The following CTIF variants were observed in gnomAD, a reference collection of about 807,000 sequenced individuals.
The protein encoded by CTIF is CBP80/20-dependent translation initiation factor.
Under a neutral mutation model 66.0 loss-of-function variants are expected in CTIF, and 21 were observed. That is an observed-to-expected ratio of 0.32 (90% CI 0.23 to 0.46). The LOEUF (loss-of-function observed/expected upper bound fraction) is 0.46. Ranked by LOEUF, CTIF falls within the 20% of genes least tolerant of loss-of-function variation. CTIF has a pLI of 1.00. For missense variants in CTIF, 739 were observed against 812.7 expected, an observed-to-expected ratio of 0.91 and a Z score of 1.10; for synonymous variants, 345 against 326.4, an observed-to-expected ratio of 1.06 and a Z score of -0.62.
intron 9 of CTIF, among the ~76,000 whole-genome samples, chr18:48,805,842 C>G (rs1297574591): frequency 6.6e-6 from 1 of 152,218 alleles, no homozygotes; most frequent in Non-Finnish European, 1.5e-5. Context: ...ACAGGTTGTC[C>G]TCTTAGAGAA....
chr18:48,801,065 G>A (rs780494688), intron 9 of CTIF, among the ~76,000 whole-genome samples: 1 of 152,174 alleles, frequency 6.6e-6, no homozygotes, highest in Non-Finnish European at 1.5e-5. Context: ...CCGGATCTCA[G>A]AACGAATGGA....
chr18:48,578,516 C>G (rs914686902), intron 1 of CTIF, among the ~76,000 whole-genome samples: 3 of 152,120 alleles, frequency 2.0e-5, no homozygotes, highest in Non-Finnish European at 4.4e-5. Flanking sequence ...TATAGTCATC[C>G]TAGTGGGTGT....
chr18:48,819,909 A>C (rs891829780), intron 10 of CTIF, among the ~76,000 whole-genome samples: 1 of 152,184 alleles, frequency 6.6e-6, no homozygotes, highest in African/African-American at 2.4e-5. Context: ...TTTCTCTGCA[A>C]GGTGCAGGGA....
Position 48,860,291 on chromosome 18 carries a change from T to C in CTIF, c.*732T>C. ...TTCAAAAGTCGGTTGCTTTGAAGTC[T>C]CTTTGGCCAATGAAAATGCCCGTGA... On this transcript the variant is annotated 3_prime_UTR_variant, in exon 12 of 12. Transcript: ENST00000256413. 3.4e-6 allele frequency: 1 copy of C among 295,856 alleles called. No homozygotes were observed. Among genetic ancestry groups the C allele is most frequent in the Admixed American group, 4.3e-5 (1 of 23,024 alleles). The allele number at this position is 295,856 out of a possible 1,614,324, so 18.3% of individuals were successfully genotyped here.
intron 1 of CTIF, among the ~76,000 whole-genome samples, chr18:48,582,223 C>T (rs1007304486): frequency 4.6e-5 from 7 of 151,766 alleles, no homozygotes; most frequent in Non-Finnish European, 7.4e-5. Flanking sequence ...GGTCCTGGGC[C>T]GGAGAGTAGA....
intron 3 of CTIF, among the ~76,000 whole-genome samples, chr18:48,638,987 G>T (rs1006329574): frequency 6.6e-6 from 1 of 152,222 alleles, no homozygotes; most frequent in Non-Finnish European, 1.5e-5. Flanking sequence ...GTGGCCGACT[G>T]ATCATCTCAG....
At chr18:48,772,806 A>G (rs770523603) in intron 9 of CTIF, among the ~76,000 whole-genome samples, 28 of 152,232 alleles carry the variant, frequency 1.8e-4, no homozygotes, top group Non-Finnish European at 3.5e-4. Flanking sequence ...GCATGCACAA[A>G]TATCTGTTTG....
rs577840745 is a variant in CTIF at position 48,735,677 on chromosome 18, G to C, written c.585-22242G>C. ...ATTTTGTCTTGAGTCCCAGAGCCCA[G>C]TTCCTACCCATTTAGTTGGAGTCTT... On this transcript the variant is annotated intron_variant, in intron 7 of 11. Coordinates refer to ENST00000256413, the MANE Select transcript of CTIF (RefSeq NM_014772.3). Among the ~76,000 whole-genome samples the C allele has an allele frequency of 2.0e-5, 3 of 152,304 alleles. No homozygotes were observed. In the East Asian group the frequency reaches 5.8e-4, roughly 29 times the overall value.
At chr18:48,797,886 A>G (rs1432053950) in intron 9 of CTIF, among the ~76,000 whole-genome samples, 5 of 151,348 alleles carry the variant, frequency 3.3e-5, no homozygotes, top group African/African-American at 7.3e-5. Flanking sequence ...GGTACTCTGC[A>G]CTCTCCTTGG....
intron 7 of CTIF, among the ~76,000 whole-genome samples, chr18:48,751,582 C>T (rs2145821104): frequency 6.6e-6 from 1 of 152,214 alleles, no homozygotes; most frequent in East Asian, 1.9e-4. Context: ...TTCAGAGGCA[C>T]ACACAAGACA....
intron 7 of CTIF, among the ~76,000 whole-genome samples, chr18:48,735,732 CCATCAAAATAGGCTATGATGGAGA>C (rs1480268998): frequency 6.6e-6 from 1 of 152,132 alleles, no homozygotes; most frequent in East Asian, 1.9e-4. Context: ...TAAGTTTCCC[CCATCAAAATAGGCTATGATGGAGA>C]CTTGAGATTC....
intron 9 of CTIF, among the ~76,000 whole-genome samples, chr18:48,808,148 A>G (rs1052754328): frequency 6.6e-6 from 1 of 152,180 alleles, no homozygotes; most frequent in Non-Finnish European, 1.5e-5. Flanking sequence ...AGCATTGACA[A>G]TTACCATTTT....
intron 9 of CTIF, among the ~76,000 whole-genome samples, chr18:48,803,838 G>A (rs914646387): frequency 6.6e-5 from 10 of 152,176 alleles, no homozygotes; most frequent in Admixed American, 2.0e-4. Context: ...GCTGCTGACC[G>A]CCATCTTAGC....
chr18:48,851,358 C>T lies in CTIF; in HGVS notation c.1528-6230C>T, dbSNP rs185310141. ...TCACAGAAAGTGGAAGGCACGCAGGCTGTGGGCTGCAGAAGAGACGAGGAG... is the reference window on the plus strand; with the variant it reads ...TCACAGAAAGTGGAAGGCACGCAGGTTGTGGGCTGCAGAAGAGACGAGGAG... On this transcript the variant is annotated intron_variant, in intron 10 of 11. Coordinates refer to ENST00000256413, the MANE Select transcript of CTIF (RefSeq NM_014772.3). Among the ~76,000 whole-genome samples the T allele has an allele frequency of 2.8e-3, 430 of 152,330 alleles. 2 individuals carry two copies. The highest frequency in any genetic ancestry group is 9.9e-3 in the African/African-American group (412 of 41,580).
chr18:48,859,367 G>A lies in CTIF; in HGVS notation c.1605G>A (p.Leu535=), dbSNP rs561765430. Residue 535 remains leucine (L), a synonymous_variant, in exon 12 of 12, where the codon CTG becomes CTA. Coordinates refer to ENST00000256413, the MANE Select transcript of CTIF (RefSeq NM_014772.3). ...SMELQSTGRL[L]EEQLPEMMTE... is the part of the protein sequence containing the mutation. ...AGCTGCAGAGTACAGGCCGGCTGCT[G>A]GAGGAACAGCTGCCTGAGATGATGA... The A allele has an allele frequency of 2.2e-5, 35 of 1,614,046 alleles. No homozygotes were observed. In the South Asian group the frequency reaches 3.7e-4, roughly 17 times the overall value.
intron 6 of CTIF, among the ~76,000 whole-genome samples, chr18:48,681,230 C>CA (rs1295167097): frequency 6.6e-6 from 1 of 152,224 alleles, no homozygotes; most frequent in Non-Finnish European, 1.5e-5. Flanking sequence ...TCTATACAGC[C>CA]AGGGGGGCTG....
chr18:48,814,266 C>T (rs889792725), intron 9 of CTIF, among the ~76,000 whole-genome samples: 3 of 152,122 alleles, frequency 2.0e-5, no homozygotes, highest in Admixed American at 6.5e-5. Context: ...TGATAAAGGC[C>T]TAGAGTTGTG....
At chr18:48,610,614 C>T (rs75408628) in intron 1 of CTIF, among the ~76,000 whole-genome samples, 4,176 of 152,332 alleles carry the variant, frequency 0.027, 196 homozygotes, top group African/African-American at 0.093. Flanking sequence ...CCAGGGCCTC[C>T]GATCTCAGCC....
At chr18:48,728,739 TGAGAGAGAGAGA>T (rs138125305) in intron 7 of CTIF, among the ~76,000 whole-genome samples, 1 of 139,126 alleles carries the variant, frequency 7.2e-6, no homozygotes, top group Admixed American at 7.3e-5. Context: ...AGGGGGAGAG[TGAGAGAGAGAGA>T]GAGAGAGAGA....
Sources: allele counts gnomAD v4.1 joint callset (sites outside exome capture counted in the v4.1 genomes callset), GRCh38; gene constraint gnomAD v4.1.1; transcripts MANE v1.5; gene names NCBI Gene and HGNC (gene_info 2026-07-23, HGNC 2026-07-21).